PTPRD: variants seen among roughly 807,000 people sequenced by gnomAD.
The protein encoded by PTPRD is receptor-type tyrosine-protein phosphatase delta.
In PTPRD, 34 loss-of-function variants were observed where a neutral mutation model predicts 214.5. That is an observed-to-expected ratio of 0.16 (90% CI 0.12 to 0.21). The LOEUF is 0.21. Among genes scored for constraint, PTPRD ranks in the 10% least tolerant of loss-of-function variants. The pLI is 1.00. For missense variants in PTPRD, 2,545 were observed against 2,398.7 expected (o/e 1.06, Z -1.27); for synonymous variants, 1,128 against 845.7 (o/e 1.33, Z -5.79).
chr9:9,150,585 T>C (rs2099875925), intron 10 of PTPRD, among the ~76,000 whole-genome samples: 1 of 151,484 alleles, frequency 6.6e-6, no homozygotes, highest in Non-Finnish European at 1.5e-5. Context: ...CCTTCTGGGT[T>C]CAAGTGATTC....
At chr9:9,420,399 C>T (rs1488814397) in intron 8 of PTPRD, among the ~76,000 whole-genome samples, 1 of 151,778 alleles carries the variant, frequency 6.6e-6, no homozygotes, top group Non-Finnish European at 1.5e-5. Flanking sequence ...GCTGTTACTG[C>T]CTCCCCTATT....
chr9:10,232,892 A>G (rs1183653812), intron 3 of PTPRD, among the ~76,000 whole-genome samples: 1 of 152,014 alleles, frequency 6.6e-6, no homozygotes, highest in Admixed American at 6.6e-5. Flanking sequence ...ATGTGACTTG[A>G]AAGAACAAAA....
chr9:9,079,074 T>C (rs1316518185), intron 10 of PTPRD, among the ~76,000 whole-genome samples: 1 of 152,094 alleles, frequency 6.6e-6, no homozygotes, highest in African/African-American at 2.4e-5. Flanking sequence ...TTCAGTATTC[T>C]CCTTCTAGTT....
At chr9:9,035,752 G>A (rs986410831) in intron 10 of PTPRD, among the ~76,000 whole-genome samples, 5 of 152,042 alleles carry the variant, frequency 3.3e-5, no homozygotes, top group African/African-American at 1.2e-4. Context: ...ATAAAAGGGT[G>A]TGATTTTTTT....
chr9:9,062,422 T>C (rs577840345), intron 10 of PTPRD, among the ~76,000 whole-genome samples: 2 of 152,306 alleles, frequency 1.3e-5, no homozygotes, highest in East Asian at 1.9e-4. Context: ...TTCTTCAAGA[T>C]TTGTGAGTAT....
chr9:10,145,060 T>C (rs542086863), intron 3 of PTPRD, among the ~76,000 whole-genome samples: 1 of 152,208 alleles, frequency 6.6e-6, no homozygotes, highest in East Asian at 1.9e-4. Flanking sequence ...AATTAATTTT[T>C]ATATATATTC....
At chr9:8,633,861 G>C (rs945874664) in intron 13 of PTPRD, among the ~76,000 whole-genome samples, 1 of 152,000 alleles carries the variant, frequency 6.6e-6, no homozygotes, top group East Asian at 1.9e-4. Context: ...TAATGGGACT[G>C]TAAGGTGAAG....
intron 6 of PTPRD, among the ~76,000 whole-genome samples, chr9:9,763,049 G>A (rs916419226): frequency 2.0e-5 from 3 of 152,036 alleles, no homozygotes; most frequent in African/African-American, 4.8e-5. Flanking sequence ...AAGAGAGAGC[G>A]ATCTCTTCCT....
At chr9:8,857,054 C>T (rs1037216476) in intron 11 of PTPRD, among the ~76,000 whole-genome samples, 2 of 152,136 alleles carry the variant, frequency 1.3e-5, no homozygotes, top group African/African-American at 4.8e-5. Context: ...GTGTTAAGTA[C>T]ACCAGATTCC....
chr9:9,890,761 T>C (rs1169918756), intron 5 of PTPRD, among the ~76,000 whole-genome samples: 1 of 151,998 alleles, frequency 6.6e-6, no homozygotes, highest in African/African-American at 2.4e-5. Context: ...AGGGGTGTAA[T>C]TTCCACCAAT....
chr9:9,714,828 T>C (rs929850043), intron 7 of PTPRD, among the ~76,000 whole-genome samples: 1 of 152,118 alleles, frequency 6.6e-6, no homozygotes, highest in Non-Finnish European at 1.5e-5. Flanking sequence ...TTTAGCAGGG[T>C]AGATGCTCAA....
At chr9:8,459,618 A>C (rs1156932394) in intron 33 of PTPRD, among the ~76,000 whole-genome samples, 2 of 152,076 alleles carry the variant, frequency 1.3e-5, no homozygotes, top group Non-Finnish European at 2.9e-5. Context: ...AGGGGAAAAA[A>C]TCTTATTAGA....
At chr9:8,532,202 T>C (rs1298334649) in intron 14 of PTPRD, among the ~76,000 whole-genome samples, 1 of 152,108 alleles carries the variant, frequency 6.6e-6, no homozygotes, top group East Asian at 1.9e-4. Context: ...TGTTACACGT[T>C]GACAGTTGTG....
chr9:8,885,958 C>T (rs998542180), intron 11 of PTPRD, among the ~76,000 whole-genome samples: 6 of 152,126 alleles, frequency 3.9e-5, no homozygotes, highest in East Asian at 1.9e-4. Context: ...CATCCATATA[C>T]GACCTAGCAG....
chr9:8,988,601 A>G (rs2099354477), intron 11 of PTPRD, among the ~76,000 whole-genome samples: 1 of 152,274 alleles, frequency 6.6e-6, no homozygotes, highest in East Asian at 1.9e-4. Flanking sequence ...CTTTATTTCC[A>G]AAAAGAAATC....
intron 4 of PTPRD, among the ~76,000 whole-genome samples, chr9:10,023,845 A>C (rs923416878): frequency 3.3e-5 from 5 of 152,112 alleles, no homozygotes; most frequent in African/African-American, 1.2e-4. Context: ...TAGACATAGC[A>C]GTGTTTCTTC....
chr9:8,570,220 AG>A (rs2090701558), intron 14 of PTPRD, among the ~76,000 whole-genome samples: 1 of 152,132 alleles, frequency 6.6e-6, no homozygotes. Context: ...GATTATTAAC[AG>A]TAATGGTCAT....
intron 30 of PTPRD, among the ~76,000 whole-genome samples, chr9:8,483,059 C>T (rs1374925941): frequency 6.6e-6 from 1 of 152,160 alleles, no homozygotes; most frequent in Non-Finnish European, 1.5e-5. Context: ...TTTTATTCCC[C>T]GGAGTCTACC....
At chr9:10,273,148 A>G (rs972891229) in intron 3 of PTPRD, among the ~76,000 whole-genome samples, 2 of 152,192 alleles carry the variant, frequency 1.3e-5, no homozygotes, top group Admixed American at 6.5e-5. Flanking sequence ...ATGTGACAAT[A>G]CATAATCCCA....
Sources: allele counts gnomAD v4.1 joint callset (sites outside exome capture counted in the v4.1 genomes callset), GRCh38; gene constraint gnomAD v4.1.1; transcripts MANE v1.5; gene names NCBI Gene and HGNC (gene_info 2026-07-23, HGNC 2026-07-21).